The following ARB2A variants were observed in gnomAD, a reference collection of about 807,000 sequenced individuals.
ARB2A encodes ARB2 cotranscriptional regulator A.
chr5:93,968,751 A>G, the ARB2A span, among the ~76,000 whole-genome samples: 1 of 152,184 alleles, frequency 6.6e-6, no homozygotes, highest in South Asian at 2.1e-4. Context: ...ACAAAGAAAC[A>G]AACAAAAAAA....
chr5:93,967,554 G>A, the ARB2A span, among the ~76,000 whole-genome samples: 1 of 152,054 alleles, frequency 6.6e-6, no homozygotes, highest in Non-Finnish European at 1.5e-5. Context: ...ACTGCTGGCG[G>A]GGTGTGGACT....
the ARB2A span, among the ~76,000 whole-genome samples, chr5:93,703,835 C>T: frequency 2.0e-5 from 3 of 152,168 alleles, no homozygotes; most frequent in African/African-American, 4.8e-5. Flanking sequence ...TTCTCACACT[C>T]CTTAATCCAT....
the ARB2A span, among the ~76,000 whole-genome samples, chr5:93,844,275 C>T: frequency 6.6e-6 from 1 of 152,024 alleles, no homozygotes; most frequent in Non-Finnish European, 1.5e-5. Flanking sequence ...GAGATTTCAT[C>T]TGTACTAACA....
the ARB2A span, among the ~76,000 whole-genome samples, chr5:93,702,973 C>T: frequency 2.6e-5 from 4 of 151,888 alleles, no homozygotes; most frequent in Admixed American, 6.6e-5. Context: ...ATAAAAAGAT[C>T]GATAGTTTAA....
At chr5:93,618,905 A>G in the ARB2A span, 1 of 152,218 alleles carries the variant, frequency 6.6e-6, no homozygotes. Context: ...TATAAACAGC[A>G]TATTTATTGT....
chr5:93,719,367 C>G, the ARB2A span, among the ~76,000 whole-genome samples: 3 of 152,196 alleles, frequency 2.0e-5, no homozygotes, highest in African/African-American at 4.8e-5. Context: ...ACCTAACCAT[C>G]TAATATTTAA....
chr5:93,777,163 TG>T, the ARB2A span, among the ~76,000 whole-genome samples: 1 of 48,384 alleles, frequency 2.1e-5, no homozygotes. Context: ...TGTTGTGGGG[TG>T]GGGGGAGGGG....
the ARB2A span, among the ~76,000 whole-genome samples, chr5:93,994,104 G>C: frequency 6.6e-6 from 1 of 152,062 alleles, no homozygotes; most frequent in African/African-American, 2.4e-5. Flanking sequence ...AAACAGTAAA[G>C]AGGTTCCTCA....
At chr5:93,955,198 G>T in the ARB2A span, among the ~76,000 whole-genome samples, 2 of 152,160 alleles carry the variant, frequency 1.3e-5, no homozygotes, top group Non-Finnish European at 2.9e-5. Context: ...TGTCCTTGCA[G>T]TGAGGACATT....
At chr5:93,963,940 G>A in the ARB2A span, among the ~76,000 whole-genome samples, 1 of 151,926 alleles carries the variant, frequency 6.6e-6, no homozygotes, top group Non-Finnish European at 1.5e-5. Context: ...ATGTCAAAAT[G>A]TGCAAGATTC....
At chr5:93,772,535 C>A in the ARB2A span, among the ~76,000 whole-genome samples, 2 of 152,126 alleles carry the variant, frequency 1.3e-5, no homozygotes, top group Non-Finnish European at 2.9e-5. Flanking sequence ...GAACAAATAA[C>A]CCCAAAATTT....
At chr5:94,005,162 C>T in the ARB2A span, among the ~76,000 whole-genome samples, 14 of 151,410 alleles carry the variant, frequency 9.2e-5, no homozygotes, top group Non-Finnish European at 1.3e-4. Flanking sequence ...TGGGAAGGTA[C>T]AATTTGGAAG....
chr5:94,075,645 T>G, the ARB2A span, among the ~76,000 whole-genome samples: 1 of 152,186 alleles, frequency 6.6e-6, no homozygotes. Context: ...TGAATATTCC[T>G]CTGAGGAATC....
chr5:93,731,645 G>C, the ARB2A span, among the ~76,000 whole-genome samples: 2 of 152,098 alleles, frequency 1.3e-5, no homozygotes, highest in Non-Finnish European at 2.9e-5. Flanking sequence ...GCAGATCTAG[G>C]AACATTATCA....
the ARB2A span, among the ~76,000 whole-genome samples, chr5:93,729,723 T>C: frequency 6.6e-6 from 1 of 152,124 alleles, no homozygotes; most frequent in Non-Finnish European, 1.5e-5. Flanking sequence ...AGTTAGATAA[T>C]GTAATAAAAT....
chr5:93,720,273 A>C, the ARB2A span, among the ~76,000 whole-genome samples: 1 of 152,238 alleles, frequency 6.6e-6, no homozygotes, highest in African/African-American at 2.4e-5. Context: ...CTGCTTCAAA[A>C]GACGGAAAGC....
chr5:93,744,765 G>C, the ARB2A span, among the ~76,000 whole-genome samples: 2 of 152,334 alleles, frequency 1.3e-5, no homozygotes, highest in East Asian at 3.9e-4. Context: ...AACTGGTGCT[G>C]TTTGTGCTGG....
chr5:93,850,649 G>T, the ARB2A span, among the ~76,000 whole-genome samples: 1 of 152,006 alleles, frequency 6.6e-6, no homozygotes, highest in Non-Finnish European at 1.5e-5. Context: ...TCTGGAACTC[G>T]CCATCAAACT....
the ARB2A span, among the ~76,000 whole-genome samples, chr5:93,785,865 C>G: frequency 6.6e-6 from 1 of 152,102 alleles, no homozygotes; most frequent in African/African-American, 2.4e-5. Flanking sequence ...GAATTATTAA[C>G]TAGTATGCTA....
Sources: allele counts gnomAD v4.1 joint callset (sites outside exome capture counted in the v4.1 genomes callset), GRCh38; gene constraint gnomAD v4.1.1; transcripts MANE v1.5; gene names NCBI Gene and HGNC (gene_info 2026-07-23, HGNC 2026-07-21).